Variants in SACM1L observed in about 807,000 individuals in gnomAD.
The protein encoded by SACM1L is phosphatidylinositol-3-phosphatase SAC1.
A neutral mutation model predicts 89.5 loss-of-function variants in SACM1L; 32 were observed. The observed-to-expected ratio is 0.36, with a 90% CI of 0.27 to 0.48. The LOEUF (loss-of-function observed/expected upper bound fraction) is 0.48, where lower values mean the gene tolerates loss of function less well. Ranked by LOEUF, SACM1L falls within the 20% of genes least tolerant of loss-of-function variation. The pLI, the probability that SACM1L is intolerant of heterozygous loss-of-function variation, is 0.99. For missense variants in SACM1L, 543 were observed against 708.5 expected, an observed-to-expected ratio of 0.77 and a Z score of 2.65; for synonymous variants, 213 against 232.8, an observed-to-expected ratio of 0.92 and a Z score of 0.77.
intron 4 of SACM1L, among the ~76,000 whole-genome samples, 193 bp from the exon 5 acceptor site, chr3:45,709,305 T>C (rs1035631261): frequency 6.6e-6 from 1 of 152,196 alleles, no homozygotes; most frequent in African/African-American, 2.4e-5. Context: ...CTACAGTGTT[T>C]ATTGAGTATC....
intron 1 of SACM1L, among the ~76,000 whole-genome samples, chr3:45,692,708 A>G (rs149227867): frequency 2.6e-5 from 4 of 152,344 alleles, no homozygotes; most frequent in Admixed American, 6.5e-5. Context: ...TTCTGGTAAC[A>G]GTTTTTAAAG....
At chr3:45,691,313 G>A (rs1697981636) in intron 1 of SACM1L, among the ~76,000 whole-genome samples, 2 of 152,066 alleles carry the variant, frequency 1.3e-5, no homozygotes, top group Admixed American at 1.3e-4. Context: ...TTTACCAAGG[G>A]GTTTATGAGT....
chr3:45,735,284 G>A lies in SACM1L; in HGVS notation c.1150G>A (p.Val384Met), dbSNP rs377734878. 3 of 1,613,016 alleles carry A rather than the reference G, an allele frequency of 1.9e-6. No homozygotes were observed. Among genetic ancestry groups the A allele is most frequent in the South Asian group, 2.2e-5 (2 of 90,846 alleles). Residue 384 changes from valine to methionine, a missense_variant, in exon 14 of 20, where the codon GTG becomes ATG. This residue lies in a region of SACM1L where 370 missense variants were observed against 527.6 expected (regional missense o/e 0.70). Transcript: ENST00000389061. ...AGQVVANQEG[V>M]FRSNCMDCLD... ...CCAGGTGGTGGCAAACCAGGAAGGC[G>A]TGTTCCGAAGCAATTGCATGGATTG...
At chr3:45,727,799 G>A (rs1292650358) in intron 11 of SACM1L, among the ~76,000 whole-genome samples, 1 of 152,108 alleles carries the variant, frequency 6.6e-6, no homozygotes, top group Admixed American at 6.5e-5. Flanking sequence ...GCTTTACCGT[G>A]TTAGCCAGGG....
intron 3 of SACM1L, among the ~76,000 whole-genome samples, chr3:45,705,796 G>A (rs138569842): frequency 6.2e-4 from 95 of 152,222 alleles, no homozygotes; most frequent in Middle Eastern, 6.8e-3. Flanking sequence ...GAGCCACCAC[G>A]CCCATCCTGT....
chr3:45,697,461 G>A (rs145021025), intron 1 of SACM1L, among the ~76,000 whole-genome samples: 326 of 151,534 alleles, frequency 2.2e-3, no homozygotes, highest in African/African-American at 7.3e-3. Flanking sequence ...ATTTTTTGTA[G>A]AAACGGGGTT....
Position 45,719,489 on chromosome 3 carries a change from A to C in SACM1L, c.578-11A>C. The C allele has an allele frequency of 2.8e-6, 4 of 1,445,312 alleles. No homozygotes were observed. Among genetic ancestry groups the C allele is most frequent in the Non-Finnish European group, 3.8e-6 (4 of 1,039,068 alleles). 89.5% of individuals were successfully genotyped at this position (1,445,312 alleles called of 1,614,324 possible). The stretch of plus-strand genomic sequence containing the variant: ...TCTATTATATGTTATATTTTTCTTA[A>C]TGTGGTTAAGTTATTACCATGCATT... On this transcript the variant is annotated splice_polypyrimidine_tract_variant and intron_variant, in intron 7 of 19. Coordinates refer to ENST00000389061, the MANE Select transcript of SACM1L (RefSeq NM_014016.5).
At chr3:45,714,188 A>G (rs963073228) in intron 7 of SACM1L, 109 bp downstream of exon 7, 37 of 532,388 alleles carry the variant, frequency 6.9e-5, no homozygotes, top group Non-Finnish European at 1.1e-4. Context: ...AGTATTTCAG[A>G]ATTAATATAA....
At chr3:45,700,721 G>GT (rs1698245554) in intron 1 of SACM1L, among the ~76,000 whole-genome samples, 1 of 152,040 alleles carries the variant, frequency 6.6e-6, no homozygotes, top group South Asian at 2.1e-4. Flanking sequence ...GAGTGCAGTG[G>GT]TGTGCACTCA....
intron 14 of SACM1L, 28 bp downstream of exon 14, chr3:45,735,401 GA>G: frequency 1.3e-6 from 2 of 1,482,302 alleles, no homozygotes; most frequent in African/African-American, 1.4e-5. Context: ...TTTTTTAATT[GA>G]AAAACAACAC....
rs1300930870 is a variant in SACM1L at position 45,698,880 on chromosome 3, CCT to C, written c.33-4557_33-4556del. On this transcript the variant is annotated intron_variant, in intron 1 of 19. Transcript: ENST00000389061. ...CTCCTGGGTTCAAGCAAGCGATTCC[CCT>C]GTCTCAGCCTCCCGAGTAGCTGGGA... is the stretch of plus-strand genomic sequence containing the variant. Among the ~76,000 whole-genome samples the C allele has an allele frequency of 2.0e-5, 3 of 152,178 alleles. No individual in the cohort carries two copies. The East Asian group carries it at 5.8e-4, about 29-fold the overall frequency.
rs773307176 is a variant in SACM1L at position 45,735,248 on chromosome 3, G to T, written c.1114G>T (p.Asp372Tyr). 1.9e-5 allele frequency: 30 copies of T among 1,610,442 alleles called. No individual in the cohort carries two copies. The highest frequency in any genetic ancestry group is 2.2e-5 in the Non-Finnish European group (26 of 1,179,152). Residue 372 changes from aspartate to tyrosine, a missense_variant, in exon 14 of 20, where the codon GAC becomes TAC. By Grantham distance (160) the Asp-to-Tyr change is radical (BLOSUM62 -3). Transcript: ENST00000389061. ...MQDELSYFLVDSAGQVVANQE... is the reference protein window; with the variant it reads ...MQDELSYFLVYSAGQVVANQE... The stretch of plus-strand genomic sequence containing the variant: ...AATATGTTTTAGTTATTTTCTAGTG[G>T]ACTCTGCTGGCCAGGTGGTGGCAAA...
At chr3:45,708,814 G>C (rs1306966714) in intron 4 of SACM1L, among the ~76,000 whole-genome samples, 1 of 152,114 alleles carries the variant, frequency 6.6e-6, no homozygotes. Flanking sequence ...TAATCATTTA[G>C]TAATGATTAA....
Position 45,713,151 on chromosome 3 carries a change from T to C in SACM1L, c.498T>C (p.Phe166=). The C allele has an allele frequency of 6.2e-7, 1 of 1,612,678 alleles. No homozygotes were observed. Among genetic ancestry groups the C allele is most frequent in the Non-Finnish European group, 8.5e-7 (1 of 1,179,438 alleles). ...MSLLERADQR[F]VWNGHLLREL... The stretch of plus-strand genomic sequence containing the variant: ...ACTTCTCTCAGGCAGATCAGCGGTT[T>C]GTATGGAATGGTCATCTTCTAAGAG... Residue 166 remains phenylalanine (F), a synonymous_variant, in exon 6 of 20, where the codon TTT becomes TTC. Transcript: ENST00000389061.
chr3:45,722,100 C>G lies in SACM1L; in HGVS notation c.765+15C>G. On this transcript the variant is annotated intron_variant, in intron 9 of 19. Coordinates refer to ENST00000389061, the MANE Select transcript of SACM1L (RefSeq NM_014016.5). ...CGTTTGTACAGGCAAGTTGTTATGTCTGTTAGGCAGTCAGCGAGTTGGCCT... is the reference window on the plus strand; with the variant it reads ...CGTTTGTACAGGCAAGTTGTTATGTGTGTTAGGCAGTCAGCGAGTTGGCCT... The G allele has an allele frequency of 6.5e-7, 1 of 1,536,256 alleles. No homozygotes were observed. The highest frequency in any genetic ancestry group is 8.9e-7 in the Non-Finnish European group (1 of 1,120,400).
At chr3:45,708,082 T>G (rs1200250402) in intron 4 of SACM1L, among the ~76,000 whole-genome samples, 25 of 152,102 alleles carry the variant, frequency 1.6e-4, no homozygotes, top group Admixed American at 1.6e-3. Context: ...ACAATAGAGT[T>G]TTTAATGTTT....
At chr3:45,709,295 C>T (rs1004171160) in intron 4 of SACM1L, among the ~76,000 whole-genome samples, 9 of 152,160 alleles carry the variant, frequency 5.9e-5, no homozygotes, top group African/African-American at 2.2e-4. Flanking sequence ...TAATAGTACC[C>T]TACAGTGTTT....
intron 1 of SACM1L, among the ~76,000 whole-genome samples, chr3:45,695,015 G>T (rs935427091): frequency 6.6e-6 from 1 of 152,148 alleles, no homozygotes; most frequent in Non-Finnish European, 1.5e-5. Flanking sequence ...GAATTGGGTT[G>T]TGCCCCTGGG....
chr3:45,713,295 AAC>A, intron 6 of SACM1L, 99 bp downstream of exon 6: 2 of 911,514 alleles, frequency 2.2e-6, no homozygotes, highest in South Asian at 3.0e-5. Context: ...AATTTCGAGA[AAC>A]AATTCTAATT....
Sources: gnomAD v4.1 joint callset for allele counts (sites outside exome capture counted in the v4.1 genomes callset) on GRCh38, gnomAD v4.1.1 for gene constraint, gnomAD v4.1.1 regional missense constraint, MANE v1.5 for transcripts, NCBI Gene and HGNC (gene_info 2026-07-23, HGNC 2026-07-21) for gene names.